The following ABCA5 variants were observed in gnomAD, a reference collection of about 807,000 sequenced individuals.
ABCA5 encodes ATP binding cassette subfamily A member 5, also known as cholesterol transporter ABCA5.
Under a neutral mutation model 206.0 loss-of-function variants are expected in ABCA5, and 163 were observed. The ratio of observed to expected loss-of-function variants is 0.79; its 90% CI spans 0.70 to 0.90. ABCA5 has a LOEUF of 0.90. Ranked by LOEUF, ABCA5 falls within the 40% of genes least tolerant of loss-of-function variation. The pLI is 0.00. For synonymous variants in ABCA5, 609 were observed against 613.8 expected, an observed-to-expected ratio of 0.99 and a Z score of 0.11; for missense variants, 1,859 against 1,912.9, an observed-to-expected ratio of 0.97 and a Z score of 0.53.
intron 6 of ABCA5, 128 bp downstream of exon 6, chr17:69,306,597 G>A: frequency 2.5e-6 from 1 of 401,062 alleles, no homozygotes. Flanking sequence ...CAAGACTAAG[G>A]CAATCATTGT....
chr17:69,321,777 AG>A (rs1368844074), intron 1 of ABCA5, among the ~76,000 whole-genome samples: 1 of 152,278 alleles, frequency 6.6e-6, no homozygotes, highest in East Asian at 1.9e-4. Context: ...AAAAAAAAAA[AG>A]TTATTTTCCA....
rs145120406 is a variant in ABCA5 at position 69,321,953 on chromosome 17, G to T, written c.-16+5099C>A. Among the ~76,000 whole-genome samples the T allele has an allele frequency of 4.8e-3, 726 of 152,074 alleles. 5 individuals are homozygous for T. The highest frequency in any genetic ancestry group is 0.016 in the African/African-American group (684 of 41,484). On this transcript the variant is annotated intron_variant, in intron 1 of 38. Coordinates refer to ENST00000392676, the MANE Select transcript of ABCA5 (RefSeq NM_172232.4). ...TAATTTATACTAAATCCAATAAGTT[G>T]CAAGAAAATGGAAAGCCTACTAAAG...
intron 8 of ABCA5, among the ~76,000 whole-genome samples, chr17:69,302,054 T>G (rs969345640): frequency 1.3e-5 from 2 of 152,188 alleles, no homozygotes; most frequent in Non-Finnish European, 2.9e-5. Flanking sequence ...AATATTTAAT[T>G]ATATCTCATA....
At position 69,304,666 on chromosome 17, in the gene ABCA5, T is replaced by C. The variant is rs892782952; in HGVS notation, c.930+3A>G. ...TATTCCTATCACAAGTTAAAATACT[T>C]ACAGATGATAATCCATAAAGGAAAA... On this transcript the variant is annotated splice_donor_region_variant and intron_variant, in intron 7 of 38. Transcript: ENST00000392676. 1 of 1,567,502 alleles carries C rather than the reference T, an allele frequency of 6.4e-7. No homozygotes were observed. Among genetic ancestry groups the C allele is most frequent in the South Asian group, 1.2e-5 (1 of 82,648 alleles).
intron 34 of ABCA5, among the ~76,000 whole-genome samples, chr17:69,253,119 C>T (rs2075035499): frequency 6.6e-6 from 1 of 152,026 alleles, no homozygotes; most frequent in Non-Finnish European, 1.5e-5. Flanking sequence ...TATAACCACC[C>T]AGAGATTTAT....
intron 19 of ABCA5, among the ~76,000 whole-genome samples, chr17:69,275,708 T>C (rs1288271760): frequency 1.3e-5 from 2 of 152,190 alleles, no homozygotes; most frequent in African/African-American, 4.8e-5. Context: ...ACACATTTTG[T>C]TATGGATTGA....
At position 69,288,677 on chromosome 17, in the gene ABCA5, G is replaced by T. The variant is rs1598180744; in HGVS notation, c.1902+500C>A. Among the ~76,000 whole-genome samples, 3 of 150,650 alleles carry T rather than the reference G, an allele frequency of 2.0e-5. 1 individual carries two copies. In the Middle Eastern group the frequency reaches 0.01, roughly 512 times the overall value. On this transcript the variant is annotated intron_variant, in intron 14 of 38. Transcript: ENST00000392676. ...TGAGGCCAGTTCAAGACCAGCCTGG[G>T]CAACATAGCAAGGTCTCGTCTCTAC...
intron 37 of ABCA5, 57 bp from the exon 38 acceptor site, chr17:69,248,374 CCT>C: frequency 9.7e-7 from 1 of 1,029,112 alleles, no homozygotes; most frequent in Admixed American, 2.2e-5. Flanking sequence ...AATGGCAATA[CCT>C]ACCAAAGTGG....
intron 18 of ABCA5, among the ~76,000 whole-genome samples, chr17:69,278,540 T>C (rs1169056706): frequency 6.6e-6 from 1 of 152,204 alleles, no homozygotes; most frequent in Non-Finnish European, 1.5e-5. Flanking sequence ...TACTTCAATA[T>C]AATTTCCTGG....
chr17:69,276,713 A>G (rs966301137), intron 19 of ABCA5, among the ~76,000 whole-genome samples: 3 of 152,180 alleles, frequency 2.0e-5, no homozygotes, highest in Admixed American at 1.3e-4. Flanking sequence ...TGATAGGTTG[A>G]TGAGTGTAGC....
Position 69,301,179 on chromosome 17 carries a change from G to A in ABCA5, c.1227C>T (p.Phe409=). The A allele has an allele frequency of 1.9e-6, 3 of 1,591,352 alleles. No homozygotes were observed. The highest frequency in any genetic ancestry group is 2.6e-6 in the Non-Finnish European group (3 of 1,173,450). Residue 409 remains phenylalanine (F), a synonymous_variant, in exon 9 of 39, where the codon TTC becomes TTT. Coordinates refer to ENST00000392676, the MANE Select transcript of ABCA5 (RefSeq NM_172232.4). ...CAAGATAGACAGCCAAGAGGACATA[G>A]AATATACTATTAAGTGTGAGCATGA... is the stretch of plus-strand genomic sequence containing the variant. ...TIIMLTLNSI[F]YVLLAVYLDQ... is the part of the protein sequence containing the mutation.
chr17:69,252,425 A>C (rs2075025745), intron 34 of ABCA5, among the ~76,000 whole-genome samples: 1 of 152,188 alleles, frequency 6.6e-6, no homozygotes, highest in Admixed American at 6.5e-5. Context: ...CAACAAATAA[A>C]TTTTAAAATT....
intron 18 of ABCA5, among the ~76,000 whole-genome samples, chr17:69,282,002 G>A (rs1320044469): frequency 4.6e-5 from 7 of 151,936 alleles, no homozygotes; most frequent in Non-Finnish European, 1.0e-4. Flanking sequence ...GCTAACCTTC[G>A]ATCATAAGAA....
chr17:69,310,524 T>TA (rs1369304273), intron 3 of ABCA5, among the ~76,000 whole-genome samples: 3 of 152,212 alleles, frequency 2.0e-5, no homozygotes, highest in African/African-American at 7.2e-5. Flanking sequence ...TCTCAGAAAC[T>TA]AAATAGGCAT....
Position 69,253,628 on chromosome 17 carries a change from T to C in ABCA5, c.4360A>G (p.Thr1454Ala), listed in dbSNP as rs1183685819. ...ALSMLGNPQI[T>A]LLDEPSTGMD... ...CCTGTAGATGGTTCATCTAGCAAAGTAATCTGAGGATTCCCTAGCATACTT... is the reference window on the plus strand; with the variant it reads ...CCTGTAGATGGTTCATCTAGCAAAGCAATCTGAGGATTCCCTAGCATACTT... Residue 1454 changes from threonine (T) to alanine (A), a missense_variant, in exon 34 of 39, where the codon ACT becomes GCT. Transcript: ENST00000392676. The C allele has an allele frequency of 1.9e-6, 3 of 1,613,736 alleles. No individual in the cohort carries two copies. The highest frequency in any genetic ancestry group is 2.5e-6 in the Non-Finnish European group (3 of 1,179,858).
At chr17:69,262,252 A>G (rs1222479498) in intron 24 of ABCA5, among the ~76,000 whole-genome samples, 2 of 152,150 alleles carry the variant, frequency 1.3e-5, no homozygotes, top group East Asian at 3.8e-4. Context: ...TTTACTTTAG[A>G]ATCAGGGGAT....
At chr17:69,293,070 G>A (rs906167543) in intron 11 of ABCA5, among the ~76,000 whole-genome samples, 6 of 152,056 alleles carry the variant, frequency 3.9e-5, no homozygotes, top group Non-Finnish European at 5.9e-5. Flanking sequence ...GTAAAGACTG[G>A]AGACATTTTT....
intron 4 of ABCA5, 116 bp from the exon 5 acceptor site, chr17:69,308,484 G>A: frequency 3.5e-6 from 2 of 571,292 alleles, no homozygotes; most frequent in Non-Finnish European, 3.1e-6. Context: ...ATCTTTACAG[G>A]ACCAAAGAAA....
At chr17:69,265,187 G>GAC (rs2075194860) in intron 23 of ABCA5, among the ~76,000 whole-genome samples, 2 of 152,100 alleles carry the variant, frequency 1.3e-5, no homozygotes, top group Non-Finnish European at 2.9e-5. Context: ...AGCAAAAGGT[G>GAC]TCATGGCGGT....
Sources: gnomAD v4.1 joint callset for allele counts (sites outside exome capture counted in the v4.1 genomes callset) on GRCh38, gnomAD v4.1.1 for gene constraint, MANE v1.5 for transcripts, NCBI Gene and HGNC (gene_info 2026-07-23, HGNC 2026-07-21) for gene names.